The following STX6 variants were observed in gnomAD, a reference collection of about 807,000 sequenced individuals.
STX6 encodes the protein syntaxin 6.
Under a neutral mutation model 38.0 loss-of-function variants are expected in STX6, and 23 were observed. The observed-to-expected ratio is 0.60, with a 90% CI of 0.43 to 0.86. The LOEUF is 0.86. Ranked by LOEUF, STX6 falls within the 40% of genes least tolerant of loss-of-function variation. The pLI is 0.00. For missense variants in STX6, 274 were observed against 312.9 expected, an observed-to-expected ratio of 0.88 and a Z score of 0.94; for synonymous variants, 123 against 107.5, an observed-to-expected ratio of 1.14 and a Z score of -0.89.
At chr1:181,002,112 TG>T (rs1201936180) in intron 3 of STX6, among the ~76,000 whole-genome samples, 1 of 152,172 alleles carries the variant, frequency 6.6e-6, no homozygotes, top group African/African-American at 2.4e-5. Context: ...CATTTCAGCC[TG>T]GTCAACACAG....
At chr1:180,988,198 C>T in intron 6 of STX6, 41 bp downstream of exon 6, 1 of 1,488,500 alleles carries the variant, frequency 6.7e-7, no homozygotes, top group South Asian at 1.1e-5. Context: ...TGGCTCTGCC[C>T]CTCAATTTCA....
intron 1 of STX6, among the ~76,000 whole-genome samples, chr1:181,019,354 A>G (rs751336654): frequency 1.1e-4 from 12 of 112,548 alleles, no homozygotes; most frequent in Middle Eastern, 0.01. Context: ...AATACAGAGG[A>G]AAAAAAAAAA....
chr1:181,007,588 C>T (rs1319221951), intron 1 of STX6, among the ~76,000 whole-genome samples: 2 of 152,134 alleles, frequency 1.3e-5, no homozygotes, highest in African/African-American at 4.8e-5. Flanking sequence ...GAACTAGAAG[C>T]CTCAAACCAA....
At position 180,976,361 on chromosome 1, in the gene STX6, A is replaced by T; in HGVS notation, c.*209T>A. ...CTTCTGTTGTCCAGCTGCAGCCAGG[A>T]GTGCAGACATCTATTTCCTCTTCCC... On this transcript the variant is annotated 3_prime_UTR_variant, in exon 8 of 8. Coordinates refer to ENST00000258301, the MANE Select transcript of STX6 (RefSeq NM_005819.6). 1 of 547,122 alleles carries T rather than the reference A, an allele frequency of 1.8e-6. No homozygotes were observed. The highest frequency in any genetic ancestry group is 3.3e-6 in the Non-Finnish European group (1 of 301,890). 33.9% of individuals were successfully genotyped at this position (547,122 alleles called of 1,614,324 possible). A position where few individuals can be genotyped will look rare whatever the true frequency, so the allele number is the denominator to read the frequency against.
In STX6 at chr1:180,988,357, G is replaced by T; in HGVS notation, c.490-12C>A. 6.2e-7 allele frequency: 1 copy of T among 1,603,816 alleles called. No homozygotes were observed. Among genetic ancestry groups the T allele is most frequent in the Non-Finnish European group, 8.5e-7 (1 of 1,171,376 alleles). On this transcript the variant is annotated splice_polypyrimidine_tract_variant and intron_variant, in intron 5 of 7. Transcript: ENST00000258301. Reference sequence around the variant, plus strand: ...TGTTCCACGATCAACTGGTGCCAGAGAAATGGGAAATAAGCAATTAAAATC... The same window carrying T: ...TGTTCCACGATCAACTGGTGCCAGATAAATGGGAAATAAGCAATTAAAATC...
At chr1:181,000,045 A>T (rs1285191571) in intron 3 of STX6, among the ~76,000 whole-genome samples, 5 of 152,214 alleles carry the variant, frequency 3.3e-5, no homozygotes, top group African/African-American at 1.2e-4. Flanking sequence ...TTTCAACTAG[A>T]ATTTATTACA....
At chr1:180,996,015 T>C (rs1655905544) in intron 3 of STX6, among the ~76,000 whole-genome samples, 1 of 152,216 alleles carries the variant, frequency 6.6e-6, no homozygotes, top group Non-Finnish European at 1.5e-5. Flanking sequence ...TCTGTACCGT[T>C]ATATTTTAGT....
At chr1:180,996,043 A>G (rs1458801572) in intron 3 of STX6, among the ~76,000 whole-genome samples, 1 of 152,198 alleles carries the variant, frequency 6.6e-6, no homozygotes, top group Non-Finnish European at 1.5e-5. Context: ...TGTATTTTTA[A>G]TACTACTGGT....
rs1656788587 is a variant in STX6, at chr1:181,022,866, G to A, written c.-193C>T. The A allele has an allele frequency of 3.6e-6, 2 of 557,720 alleles. No homozygotes were observed. Among genetic ancestry groups the A allele is most frequent in the Non-Finnish European group, 3.1e-6 (1 of 322,624 alleles). 34.5% of individuals were successfully genotyped at this position (557,720 alleles called of 1,614,324 possible). A position where few individuals can be genotyped will look rare whatever the true frequency, so the allele number is the denominator to read the frequency against. On this transcript the variant is annotated 5_prime_UTR_variant, in exon 1 of 8. Coordinates refer to ENST00000258301, the MANE Select transcript of STX6 (RefSeq NM_005819.6). Reference sequence around the variant, plus strand: ...CAGCACTCGCTCAGCACCACTGGCCGAATCCCGGACTCGGGCGCCGGCCCC... The same window carrying A: ...CAGCACTCGCTCAGCACCACTGGCCAAATCCCGGACTCGGGCGCCGGCCCC...
intron 5 of STX6, chr1:180,988,686 G>GC (rs1249649369): frequency 1.5e-5 from 3 of 206,438 alleles, no homozygotes; most frequent in African/African-American, 7.0e-5. Context: ...GGATGTTTGG[G>GC]AGGAGGAAGC....
intron 3 of STX6, among the ~76,000 whole-genome samples, chr1:181,000,875 C>CAAAAA (rs34045263): frequency 2.8e-5 from 2 of 72,626 alleles, no homozygotes; most frequent in Non-Finnish European, 5.8e-5. Flanking sequence ...CCTACTACTA[C>CAAAAA]AAAAAAAAAA....
At position 180,976,460 on chromosome 1, in the gene STX6, G is replaced by A; in HGVS notation, c.*110C>T. 2 of 958,734 alleles carry A rather than the reference G, an allele frequency of 2.1e-6. No individual in the cohort carries two copies. The highest frequency in any genetic ancestry group is 4.8e-5 in the East Asian group (2 of 41,742). The allele number at this position is 958,734 out of a possible 1,614,324, so 59.4% of individuals were successfully genotyped here. ...CACACGGAGAAAAGTCAGTGCAGCA[G>A]TATGTTTCCAGGATAGGAATGTGAG... is the stretch of plus-strand genomic sequence containing the variant. On this transcript the variant is annotated 3_prime_UTR_variant, in exon 8 of 8. Coordinates refer to ENST00000258301, the MANE Select transcript of STX6 (RefSeq NM_005819.6).
chr1:181,009,910 C>T (rs1656344274), intron 1 of STX6, among the ~76,000 whole-genome samples: 1 of 152,144 alleles, frequency 6.6e-6, no homozygotes, highest in Non-Finnish European at 1.5e-5. Context: ...GAACAAACTA[C>T]AGCTACATAC....
At chr1:180,988,538 A>G in intron 5 of STX6, 193 bp from the exon 6 acceptor site, 1 of 521,608 alleles carries the variant, frequency 1.9e-6, no homozygotes, top group Non-Finnish European at 3.5e-6. Context: ...TAAGCTACTG[A>G]TATCTCCTGC....
rs1655169444 is a variant in STX6, at chr1:180,973,254, A to T, written c.*3316T>A. On this transcript the variant is annotated 3_prime_UTR_variant, in exon 8 of 8. Transcript: ENST00000258301. The stretch of plus-strand genomic sequence containing the variant: ...GCAGTACAAGGTGAAGCCAAATGGT[A>T]CAAAGTCCACAGAATTGAAAAGCCA... The T allele has an allele frequency of 6.6e-6, 1 of 152,208 alleles. No homozygotes were observed. Among genetic ancestry groups the T allele is most frequent in the Non-Finnish European group, 1.5e-5 (1 of 68,046 alleles). The allele number at this position is 152,208 out of a possible 1,614,324, so 9.4% of individuals were successfully genotyped here. A position where few individuals can be genotyped will look rare whatever the true frequency, so the allele number is the denominator to read the frequency against.
At chr1:181,010,062 G>A (rs548288716) in intron 1 of STX6, among the ~76,000 whole-genome samples, 11 of 152,276 alleles carry the variant, frequency 7.2e-5, no homozygotes, top group African/African-American at 2.6e-4. Context: ...TGTTTGCCAG[G>A]TGCTCGACAT....
intron 3 of STX6, among the ~76,000 whole-genome samples, chr1:180,998,341 C>G (rs1655973540): frequency 1.3e-5 from 2 of 152,122 alleles, no homozygotes. Context: ...GTGACCACCA[C>G]CACCGCGGGT....
intron 1 of STX6, among the ~76,000 whole-genome samples, chr1:181,022,388 G>GCAGCACACAGGC (rs1371886224): frequency 3.3e-5 from 5 of 152,082 alleles, no homozygotes; most frequent in African/African-American, 1.2e-4. Context: ...AAATTGTACC[G>GCAGCACACAGGC]CAGCACACAG....
intron 1 of STX6, among the ~76,000 whole-genome samples, chr1:181,007,647 T>C (rs569918154): frequency 1.3e-5 from 2 of 152,224 alleles, no homozygotes; most frequent in Non-Finnish European, 2.9e-5. Flanking sequence ...CAGTACACAA[T>C]GATGATGCTG....
Sources: gnomAD v4.1 joint callset for allele counts (sites outside exome capture counted in the v4.1 genomes callset) on GRCh38, gnomAD v4.1.1 for gene constraint, MANE v1.5 for transcripts, NCBI Gene and HGNC (gene_info 2026-07-23, HGNC 2026-07-21) for gene names.